Variants in PROS1 observed in about 807,000 individuals in gnomAD.
PROS1 encodes protein S, also known as vitamin K-dependent protein S.
PROS1 carries 29 observed loss-of-function variants against 75.9 expected under a neutral mutation model. That is an observed-to-expected ratio of 0.38 (90% CI 0.28 to 0.52). PROS1 has a LOEUF of 0.52. PROS1 is among the 20% of genes least tolerant of loss of function. The pLI, the probability that PROS1 is intolerant of heterozygous loss-of-function variation, is 0.83. For synonymous variants in PROS1, 245 were observed against 280.6 expected, an observed-to-expected ratio of 0.87 and a Z score of 1.27; for missense variants, 680 against 810.3, an observed-to-expected ratio of 0.84 and a Z score of 1.95.
chr3:93,884,901 C>T lies in PROS1; in HGVS notation c.1324-5G>A. On this transcript the variant is annotated splice_region_variant and splice_polypyrimidine_tract_variant and intron_variant, in intron 11 of 14. Transcript: ENST00000394236. ...TCCATCTAGACGAGGGTTAATCTAA[C>T]AAATTAAAATACAAGTCAAGGAGTG... 6.2e-7 allele frequency: 1 copy of T among 1,611,056 alleles called. No individual in the cohort carries two copies. Among genetic ancestry groups the T allele is most frequent in the Non-Finnish European group, 8.5e-7 (1 of 1,178,250 alleles).
intron 4 of PROS1, 39 bp from the exon 5 acceptor site, chr3:93,906,182 T>C (rs1708673387): frequency 1.9e-6 from 3 of 1,606,636 alleles, no homozygotes; most frequent in Non-Finnish European, 2.5e-6. Context: ...TTTTATCTCA[T>C]GTCATGGAAA....
intron 1 of PROS1, among the ~76,000 whole-genome samples, chr3:93,960,562 T>TTTTTG (rs1709691616): frequency 7.1e-6 from 1 of 141,680 alleles, no homozygotes; most frequent in Non-Finnish European, 1.5e-5. Context: ...TTTTTTTTTT[T>TTTTTG]GCAGGAACTT....
rs191698526 is a variant in PROS1 at position 93,947,995 on chromosome 3, A to G, written c.77-20588T>C. Among the ~76,000 whole-genome samples, 37 of 152,302 alleles carry G rather than the reference A, an allele frequency of 2.4e-4. No homozygotes were observed. The East Asian group carries it at 7.0e-3, about 29-fold the overall frequency. On this transcript the variant is annotated intron_variant, in intron 1 of 14. Transcript: ENST00000394236. ...ACATGTGCCCAGTTATAGGACTGAT[A>G]ACAATTTTCTGAATTAAGAGAAAGT...
At chr3:93,935,884 T>C (rs1262355811) in intron 1 of PROS1, among the ~76,000 whole-genome samples, 3 of 126,094 alleles carry the variant, frequency 2.4e-5, no homozygotes, top group Non-Finnish European at 5.0e-5. Context: ...GGCTAAGGAA[T>C]CAAGGAAAAA....
At chr3:93,966,475 C>T (rs1709790220) in intron 1 of PROS1, among the ~76,000 whole-genome samples, 1 of 152,104 alleles carries the variant, frequency 6.6e-6, no homozygotes, top group Non-Finnish European at 1.5e-5. Context: ...CTATCTAGTG[C>T]AAGGACCACA....
At chr3:93,881,430 G>T (rs1461563380) in intron 12 of PROS1, among the ~76,000 whole-genome samples, 1 of 152,032 alleles carries the variant, frequency 6.6e-6, no homozygotes, top group Non-Finnish European at 1.5e-5. Context: ...CTATTTGGGT[G>T]ATGTGTACAC....
chr3:93,947,242 C>CCATTGTTGATCAATTGAACTAGATCAAT (rs1709417865), intron 1 of PROS1, among the ~76,000 whole-genome samples: 1 of 152,142 alleles, frequency 6.6e-6, no homozygotes, highest in Non-Finnish European at 1.5e-5. Context: ...ACTAGATCAA[C>CCATTGTTGATCAATTGAACTAGATCAAT]CATTGTGGAA....
intron 1 of PROS1, among the ~76,000 whole-genome samples, chr3:93,969,652 G>A (rs1451085397): frequency 6.6e-6 from 1 of 152,142 alleles, no homozygotes; most frequent in Non-Finnish European, 1.5e-5. Flanking sequence ...CACTGTATAG[G>A]TCACCTAAAT....
At chr3:93,893,721 G>C (rs767939940) in intron 9 of PROS1, among the ~76,000 whole-genome samples, 1 of 152,146 alleles carries the variant, frequency 6.6e-6, no homozygotes. Flanking sequence ...TTCATGTGTG[G>C]TAAGAAAGGT....
chr3:93,880,511 A>G (rs1439710595), intron 12 of PROS1, among the ~76,000 whole-genome samples: 3 of 152,138 alleles, frequency 2.0e-5, no homozygotes, highest in African/African-American at 7.2e-5. Context: ...GTCTCCAAAA[A>G]AAAAAGAATG....
chr3:93,965,485 T>A (rs1477421907), intron 1 of PROS1, among the ~76,000 whole-genome samples: 2 of 152,168 alleles, frequency 1.3e-5, no homozygotes, highest in Non-Finnish European at 2.9e-5. Context: ...TTCTCTTCTG[T>A]GACCCAAGGC....
chr3:93,951,128 C>A (rs1169037267), intron 1 of PROS1, among the ~76,000 whole-genome samples: 1 of 152,068 alleles, frequency 6.6e-6, no homozygotes, highest in Non-Finnish European at 1.5e-5. Context: ...ATTGGTGTAC[C>A]TGAAAGTGAA....
chr3:93,894,916 A>G (rs1464017128), intron 9 of PROS1, among the ~76,000 whole-genome samples: 1 of 152,198 alleles, frequency 6.6e-6, no homozygotes, highest in Admixed American at 6.5e-5. Context: ...AATTTGTCCA[A>G]TTCTGATCCC....
chr3:93,957,657 T>G (rs1457219431), intron 1 of PROS1, among the ~76,000 whole-genome samples: 1 of 152,188 alleles, frequency 6.6e-6, no homozygotes, highest in African/African-American at 2.4e-5. Flanking sequence ...ATCAAAACAC[T>G]ACATTGTACC....
intron 9 of PROS1, among the ~76,000 whole-genome samples, chr3:93,893,580 A>C (rs962709910): frequency 6.6e-5 from 10 of 152,138 alleles, no homozygotes; most frequent in Admixed American, 1.3e-4. Context: ...ATAAGTGATC[A>C]TAAAATGTGT....
rs1457029951 is a variant in PROS1 at position 93,910,667 on chromosome 3, C to A, written c.298G>T (p.Ala100Ser). 5 of 1,613,560 alleles carry A rather than the reference C, an allele frequency of 3.1e-6. No individual in the cohort carries two copies. Among genetic ancestry groups the A allele is most frequent in the South Asian group, 1.1e-5 (1 of 91,020 alleles). ...RSFQTGLFTA[A>S]RQSTNAYPDL... ...GGATAAGCATTAGTTGACTGACGTG[C>A]AGCAGTGAATAACCCAGTTTGAAAA... The change falls in exon 4 of 15, where the codon GCA (alanine) becomes TCA (serine). Residue 100 changes from alanine (A) to serine (S), a missense_variant. Transcript: ENST00000394236.
chr3:93,938,099 C>T (rs551274513), intron 1 of PROS1, among the ~76,000 whole-genome samples: 4 of 152,268 alleles, frequency 2.6e-5, no homozygotes, highest in African/African-American at 7.2e-5. Context: ...TCCCCTGTGA[C>T]CTGCACATAT....
intron 1 of PROS1, among the ~76,000 whole-genome samples, chr3:93,949,394 G>C (rs976075359): frequency 2.6e-5 from 4 of 152,114 alleles, no homozygotes; most frequent in Admixed American, 2.6e-4. Flanking sequence ...TACATTATTG[G>C]GATGGGAGAG....
At chr3:93,949,532 T>A (rs1487973789) in intron 1 of PROS1, among the ~76,000 whole-genome samples, 1 of 151,862 alleles carries the variant, frequency 6.6e-6, no homozygotes, top group Non-Finnish European at 1.5e-5. Flanking sequence ...AGGTGCAAAG[T>A]AGGAAAAAAG....
Sources: gnomAD v4.1 joint callset for allele counts (sites outside exome capture counted in the v4.1 genomes callset) on GRCh38, gnomAD v4.1.1 for gene constraint, MANE v1.5 for transcripts, NCBI Gene and HGNC (gene_info 2026-07-23, HGNC 2026-07-21) for gene names.